Variants in GPC5 observed in about 807,000 individuals in gnomAD.
The protein encoded by GPC5 is glypican 5.
GPC5 carries 47 observed loss-of-function variants against 53.9 expected under a neutral mutation model. The observed-to-expected ratio is 0.87, with a 90% CI of 0.69 to 1.11. The LOEUF is 1.11. GPC5 is among the 50% of genes most tolerant of loss of function. GPC5 has a pLI of 0.00. For synonymous variants in GPC5, 286 were observed against 263.3 expected (o/e 1.09, Z -0.84); for missense variants, 748 against 713.1 (o/e 1.05, Z -0.56).
intron 6 of GPC5, among the ~76,000 whole-genome samples, chr13:92,038,597 A>C (rs2040914988): frequency 6.6e-6 from 1 of 150,790 alleles, no homozygotes; most frequent in African/African-American, 2.4e-5. Context: ...CATGCTCATA[A>C]ACTCCTGTCT....
chr13:92,226,439 T>C (rs2042486851), intron 7 of GPC5, among the ~76,000 whole-genome samples: 2 of 152,132 alleles, frequency 1.3e-5, no homozygotes, highest in Admixed American at 6.5e-5. Flanking sequence ...CCTACAACTT[T>C]AATACTACAA....
intron 7 of GPC5, among the ~76,000 whole-genome samples, chr13:92,374,300 C>T (rs977133838): frequency 1.3e-5 from 2 of 152,000 alleles, no homozygotes; most frequent in Non-Finnish European, 2.9e-5. Flanking sequence ...GCTCTCTTAC[C>T]CTGGTATTTC....
intron 1 of GPC5, among the ~76,000 whole-genome samples, chr13:91,413,152 AC>A (rs1360046752): frequency 6.6e-6 from 1 of 152,174 alleles, no homozygotes; most frequent in Admixed American, 6.5e-5. Context: ...GTAGTGTTGT[AC>A]ACCTGTGGTC....
chr13:92,061,976 C>T (rs1157503772), intron 6 of GPC5, among the ~76,000 whole-genome samples: 3 of 152,010 alleles, frequency 2.0e-5, no homozygotes, highest in Non-Finnish European at 4.4e-5. Context: ...AATAATTTAC[C>T]ACTCTGTTTA....
chr13:91,879,301 T>G (rs1445589758), intron 5 of GPC5, among the ~76,000 whole-genome samples: 1 of 152,212 alleles, frequency 6.6e-6, no homozygotes, highest in East Asian at 1.9e-4. Context: ...AGATAGTTAT[T>G]TTTAGTCATT....
intron 7 of GPC5, among the ~76,000 whole-genome samples, chr13:92,619,346 A>C (rs988077390): frequency 6.6e-6 from 1 of 151,974 alleles, no homozygotes; most frequent in African/African-American, 2.4e-5. Flanking sequence ...ATGCACTGAA[A>C]TGCATTTATT....
At chr13:91,648,876 G>T (rs1021115316) in intron 2 of GPC5, among the ~76,000 whole-genome samples, 1 of 152,100 alleles carries the variant, frequency 6.6e-6, no homozygotes, top group Non-Finnish European at 1.5e-5. Context: ...AGTACAGTGC[G>T]GTATCAAGAG....
intron 2 of GPC5, among the ~76,000 whole-genome samples, chr13:91,505,399 C>T (rs1884887184): frequency 6.6e-6 from 1 of 152,014 alleles, no homozygotes; most frequent in Non-Finnish European, 1.5e-5. Context: ...AGATGTAAAC[C>T]CAATTCCACC....
intron 2 of GPC5, among the ~76,000 whole-genome samples, chr13:91,563,844 A>ATT (rs1566508046): frequency 1.3e-5 from 2 of 151,332 alleles, no homozygotes; most frequent in Non-Finnish European, 2.9e-5. Flanking sequence ...CTCTCTGACC[A>ATT]TTTCCTTCCT....
intron 7 of GPC5, among the ~76,000 whole-genome samples, chr13:92,381,918 A>ATCATATAT (rs796383905): frequency 2.2e-5 from 1 of 45,050 alleles, no homozygotes; most frequent in African/African-American, 7.8e-5. Context: ...TGATATATAT[A>ATCATATAT]ATCATATATA....
intron 1 of GPC5, among the ~76,000 whole-genome samples, chr13:91,427,669 G>A (rs1879151390): frequency 6.6e-6 from 1 of 152,096 alleles, no homozygotes; most frequent in South Asian, 2.1e-4. Context: ...AGACTTTGGG[G>A]GACTGTTGGG....
chr13:92,368,825 A>G (rs1173832851), intron 7 of GPC5, among the ~76,000 whole-genome samples: 2 of 152,086 alleles, frequency 1.3e-5, no homozygotes, highest in African/African-American at 2.4e-5. Context: ...TGACTAATTA[A>G]GTTAACTGAA....
At chr13:92,005,404 T>C (rs1392846128) in intron 6 of GPC5, among the ~76,000 whole-genome samples, 1 of 152,162 alleles carries the variant, frequency 6.6e-6, no homozygotes, top group African/African-American at 2.4e-5. Context: ...TACAGCCCTC[T>C]TGATTCTAGC....
intron 6 of GPC5, among the ~76,000 whole-genome samples, chr13:92,041,999 C>T (rs2040945339): frequency 6.6e-6 from 1 of 152,124 alleles, no homozygotes. Flanking sequence ...ACAGAGGCAC[C>T]TGGAGATGGG....
intron 7 of GPC5, among the ~76,000 whole-genome samples, chr13:92,399,172 G>A (rs1022813238): frequency 6.6e-6 from 1 of 152,124 alleles, no homozygotes; most frequent in African/African-American, 2.4e-5. Context: ...GATTTCACAC[G>A]CTATCTATGT....
At position 92,187,540 on chromosome 13, in the gene GPC5, A is replaced by T. The variant is rs139795215; in HGVS notation, c.1561+42551A>T. On this transcript the variant is annotated intron_variant, in intron 7 of 7. Coordinates refer to ENST00000377067, the MANE Select transcript of GPC5 (RefSeq NM_004466.6). ...ATACTGGATTCCAATGTTCAAGGTA[A>T]TTCTTTGCACAATAAAAAGCAATTC... 2.1e-3 allele frequency among the ~76,000 whole-genome samples: 315 copies of T among 152,308 alleles called. 2 individuals are homozygous for T. The highest frequency in any genetic ancestry group is 7.3e-3 in the African/African-American group (303 of 41,570).
At chr13:92,286,076 G>A (rs75064618) in intron 7 of GPC5, among the ~76,000 whole-genome samples, 13,000 of 152,146 alleles carry the variant, frequency 0.085, 613 homozygotes, top group Middle Eastern at 0.12. Flanking sequence ...GTGGGCGAAG[G>A]ATATGAAGAG....
At chr13:91,842,428 C>A (rs1041206874) in intron 5 of GPC5, among the ~76,000 whole-genome samples, 1 of 148,958 alleles carries the variant, frequency 6.7e-6, no homozygotes, top group African/African-American at 2.5e-5. Context: ...TTTAGCCGGG[C>A]GCGGTGGCTC....
intron 7 of GPC5, among the ~76,000 whole-genome samples, chr13:92,831,473 A>C (rs1878041833): frequency 6.6e-6 from 1 of 152,138 alleles, no homozygotes; most frequent in African/African-American, 2.4e-5. Context: ...TACACATCTT[A>C]ATATTTGAAG....
Sources: gnomAD v4.1 joint callset for allele counts (sites outside exome capture counted in the v4.1 genomes callset) on GRCh38, gnomAD v4.1.1 for gene constraint, MANE v1.5 for transcripts, NCBI Gene and HGNC (gene_info 2026-07-23, HGNC 2026-07-21) for gene names.